TBC1D16: variants seen among roughly 807,000 people sequenced by gnomAD.
TBC1D16 encodes the protein CTD-2529O21.1.
A neutral mutation model predicts 74.7 loss-of-function variants in TBC1D16; 58 were observed. The ratio of observed to expected loss-of-function variants is 0.78; its 90% CI spans 0.63 to 0.97. The LOEUF (loss-of-function observed/expected upper bound fraction) is 0.97, where lower values mean the gene tolerates loss of function less well. Among genes scored for constraint, TBC1D16 ranks in the 50% least tolerant of loss-of-function variants. TBC1D16 has a pLI of 0.00. For synonymous variants in TBC1D16, 493 were observed against 474.7 expected (o/e 1.04, Z -0.50); for missense variants, 1,014 against 1,079.5 (o/e 0.94, Z 0.85).
rs1381634822 is a variant in TBC1D16 at position 79,954,059 on chromosome 17, C to A, written c.780-1241G>T. Among the ~76,000 whole-genome samples the A allele has an allele frequency of 2.0e-5, 3 of 152,168 alleles. No homozygotes were observed. The highest frequency in any genetic ancestry group is 4.1e-4 in the South Asian group (2 of 4,834). On this transcript the variant is annotated intron_variant, in intron 3 of 11. Coordinates refer to ENST00000310924, the MANE Select transcript of TBC1D16 (RefSeq NM_019020.4). The surrounding 1 kb of genome is among the most constrained non-coding windows in gnomAD (Gnocchi z 5.5). Reference sequence around the variant, plus strand: ...TGTTGGGATTACAGGCGTGAGCCATCGCGCCTGACACTCTCTTGAGATTTA... The same window carrying A: ...TGTTGGGATTACAGGCGTGAGCCATAGCGCCTGACACTCTCTTGAGATTTA...
Position 79,988,472 on chromosome 17 carries a change from CG to C in TBC1D16, c.779+21687del, listed in dbSNP as rs889981141. On this transcript the variant is annotated intron_variant, in intron 3 of 11. Coordinates refer to ENST00000310924, the MANE Select transcript of TBC1D16 (RefSeq NM_019020.4). The surrounding 1 kb of genome is among the most constrained non-coding windows in gnomAD (Gnocchi z 5.7). ...CCCAAGGGGCAGAGGGGGCAGCAAC[CG>C]GACGGAAGCTGCCCAATCATAAGAC... 2.0e-5 allele frequency among the ~76,000 whole-genome samples: 3 copies of C among 152,234 alleles called. No homozygotes were observed. The highest frequency in any genetic ancestry group is 7.2e-5 in the African/African-American group (3 of 41,466).
chr17:80,017,733 A>C (rs989299307), intron 1 of TBC1D16, among the ~76,000 whole-genome samples: 2 of 151,410 alleles, frequency 1.3e-5, no homozygotes, highest in Admixed American at 1.3e-4. Context: ...CACAGGCTGT[A>C]CAAAACAGGT....
intron 1 of TBC1D16, among the ~76,000 whole-genome samples, chr17:80,019,401 C>T (rs1188703632): frequency 5.4e-5 from 8 of 148,166 alleles, no homozygotes; most frequent in Non-Finnish European, 8.8e-5. Flanking sequence ...TGCAGAACTC[C>T]GGCTCCTCCA....
At chr17:79,965,373 C>T (rs758724477) in intron 3 of TBC1D16, among the ~76,000 whole-genome samples, 15 of 151,974 alleles carry the variant, frequency 9.9e-5, no homozygotes, top group African/African-American at 2.2e-4. Flanking sequence ...TGAGCCACCG[C>T]GCCTGGCCTG....
rs1444039211 is a variant in TBC1D16 at position 79,975,792 on chromosome 17, G to A, written c.780-22974C>T. The stretch of plus-strand genomic sequence containing the variant: ...CAATACAAATTCAGGCAATGCCTGC[G>A]TCTGCCCACACCTGCAGAGCATGAG... On this transcript the variant is annotated intron_variant, in intron 3 of 11. Transcript: ENST00000310924. This position sits in a 1 kb window ranked among gnomAD's most constrained non-coding sequence, Gnocchi z 4.5. Among the ~76,000 whole-genome samples, 4 of 152,154 alleles carry A rather than the reference G, an allele frequency of 2.6e-5. No homozygotes were observed. Among genetic ancestry groups the A allele is most frequent in the Non-Finnish European group, 5.9e-5 (4 of 68,040 alleles).
intron 3 of TBC1D16, among the ~76,000 whole-genome samples, chr17:79,973,620 G>A (rs566609653): frequency 1.3e-5 from 2 of 151,466 alleles, no homozygotes; most frequent in African/African-American, 4.9e-5. Flanking sequence ...TGAGGCAGAA[G>A]AATGGCATGA....
intron 3 of TBC1D16, among the ~76,000 whole-genome samples, chr17:79,953,252 G>A (rs2033168399): frequency 6.6e-6 from 1 of 152,214 alleles, no homozygotes; most frequent in South Asian, 2.1e-4. Context: ...GTTTTGGGAT[G>A]ATTTTAGATA....
chr17:79,968,999 A>C (rs1455300997), intron 3 of TBC1D16, among the ~76,000 whole-genome samples: 1 of 152,194 alleles, frequency 6.6e-6, no homozygotes, highest in Non-Finnish European at 1.5e-5. Context: ...TCAATTTAAA[A>C]ATGGGCAAAT....
In TBC1D16 at chr17:79,937,804, C is replaced by G. The variant is rs780561224; in HGVS notation, c.*3055G>C. 4 of 152,278 alleles carry G rather than the reference C, an allele frequency of 2.6e-5. No homozygotes were observed. Among genetic ancestry groups the G allele is most frequent in the Non-Finnish European group, 5.9e-5 (4 of 68,084 alleles). 9.4% of individuals were successfully genotyped at this position (152,278 alleles called of 1,614,324 possible). On this transcript the variant is annotated 3_prime_UTR_variant, in exon 12 of 12. Transcript: ENST00000310924. The stretch of plus-strand genomic sequence containing the variant: ...GGCTGGCAAGCATCGAGCCTGACCA[C>G]GTTGCCTCTTGGGTGCCAGCACGCC...
chr17:79,962,007 G>T (rs1029077598), intron 3 of TBC1D16, among the ~76,000 whole-genome samples: 5 of 152,086 alleles, frequency 3.3e-5, no homozygotes, highest in Non-Finnish European at 5.9e-5. Context: ...TAGCATGGAC[G>T]CATGACAAAA....
intron 1 of TBC1D16, among the ~76,000 whole-genome samples, chr17:80,023,194 C>G (rs904931305): frequency 2.0e-5 from 3 of 150,106 alleles, no homozygotes; most frequent in Non-Finnish European, 4.4e-5. Flanking sequence ...CAGGCCACCC[C>G]CTCCACCCTG....
chr17:80,020,166 A>G (rs1168832642), intron 1 of TBC1D16, among the ~76,000 whole-genome samples: 1 of 149,800 alleles, frequency 6.7e-6, no homozygotes, highest in East Asian at 1.9e-4. Flanking sequence ...TCCTGCCGAC[A>G]CCTTGATCTT....
intron 3 of TBC1D16, among the ~76,000 whole-genome samples, chr17:79,969,828 G>C (rs1046351907): frequency 6.6e-6 from 1 of 152,102 alleles, no homozygotes; most frequent in African/African-American, 2.4e-5. Context: ...TGTAATCCCA[G>C]CTACTTGGGA....
Position 79,944,083 on chromosome 17 carries a change from C to T in TBC1D16, c.1908+825G>A, listed in dbSNP as rs536498354. ...GGTACCGGCACTCGGTGGCTTCAGA[C>T]TCGCTTTCATCAGACATCAGCCCCC... On this transcript the variant is annotated intron_variant, in intron 10 of 11. Transcript: ENST00000310924. The surrounding 1 kb of genome is among the most constrained non-coding windows in gnomAD (Gnocchi z 7.7). 68 of 1,536,052 alleles carry T rather than the reference C, an allele frequency of 4.4e-5. No homozygotes were observed. In the South Asian group the frequency reaches 7.0e-4, roughly 16 times the overall value.
At chr17:80,024,428 C>CACACCACACACCACACACCA (rs1206178095) in intron 1 of TBC1D16, among the ~76,000 whole-genome samples, 1 of 96,584 alleles carries the variant, frequency 1.0e-5, no homozygotes, top group African/African-American at 4.1e-5. Flanking sequence ...GACACACACA[C>CACACCACACACCACACACCA]TACACATCAT....
chr17:79,962,172 A>G (rs1332653610), intron 3 of TBC1D16, among the ~76,000 whole-genome samples: 1 of 148,124 alleles, frequency 6.8e-6, no homozygotes, highest in Non-Finnish European at 1.5e-5. Context: ...GTTAAAAAAT[A>G]CTTATCATCA....
Position 79,981,865 on chromosome 17 carries a change from C to CG in TBC1D16, c.779+28294dup, listed in dbSNP as rs2034596979. ...CCTCAATCCCACTCCTCCAAGGGCGCGCCAGGGAACAGCAGGACGCGGCCC... is the reference window on the plus strand; with the variant it reads ...CCTCAATCCCACTCCTCCAAGGGCGCGGCCAGGGAACAGCAGGACGCGGCCC... On this transcript the variant is annotated intron_variant, in intron 3 of 11. Coordinates refer to ENST00000310924, the MANE Select transcript of TBC1D16 (RefSeq NM_019020.4). The surrounding 1 kb of genome is among the most constrained non-coding windows in gnomAD (Gnocchi z 6.9). Among the ~76,000 whole-genome samples the CG allele has an allele frequency of 6.6e-6, 1 of 152,230 alleles. No homozygotes were observed. The highest frequency in any genetic ancestry group is 1.5e-5 in the Non-Finnish European group (1 of 68,048).
At chr17:80,019,023 G>T (rs1416881299) in intron 1 of TBC1D16, among the ~76,000 whole-genome samples, 1 of 150,258 alleles carries the variant, frequency 6.7e-6, no homozygotes, top group East Asian at 1.9e-4. Flanking sequence ...GGACAAGGCC[G>T]CAGCGGGGCT....
intron 9 of TBC1D16, 21 bp from the exon 10 acceptor site, chr17:79,945,108 C>T (rs72847463): frequency 0.019 from 29,245 of 1,559,062 alleles, 316 homozygotes; most frequent in Non-Finnish European, 0.022. Flanking sequence ...GGCCGTCACG[C>T]GTTAGTTAGC....
Sources: allele counts gnomAD v4.1 joint callset (sites outside exome capture counted in the v4.1 genomes callset), GRCh38; gene constraint gnomAD v4.1.1; non-coding constraint Gnocchi (gnomAD v3.1); transcripts MANE v1.5; gene names NCBI Gene and HGNC (gene_info 2026-07-23, HGNC 2026-07-21).